The following FABP7 variants were observed in gnomAD, a reference collection of about 807,000 sequenced individuals.
The protein encoded by FABP7 is fatty acid-binding protein, brain.
A neutral mutation model predicts 14.2 loss-of-function variants in FABP7; 13 were observed. The observed-to-expected ratio is 0.91, with a 90% CI of 0.59 to 1.45. The LOEUF (loss-of-function observed/expected upper bound fraction) is 1.45, where lower values mean the gene tolerates loss of function less well. Among genes scored for constraint, FABP7 ranks in the 40% most tolerant of loss-of-function variants. The pLI is 0.00. For synonymous variants in FABP7, 49 were observed against 51.4 expected, an observed-to-expected ratio of 0.95 and a Z score of 0.20; for missense variants, 149 against 157.6, an observed-to-expected ratio of 0.95 and a Z score of 0.29.
At chr6:122,763,623 T>C in the FABP7 span, among the ~76,000 whole-genome samples, 1 of 151,884 alleles carries the variant, frequency 6.6e-6, no homozygotes, top group African/African-American at 2.4e-5. Flanking sequence ...TGGGAGAAAA[T>C]TTTTGCAATC....
chr6:122,749,985 G>T, the FABP7 span, among the ~76,000 whole-genome samples: 2 of 152,156 alleles, frequency 1.3e-5, no homozygotes, highest in Non-Finnish European at 2.9e-5. Flanking sequence ...GTTACTTCTA[G>T]ACATAACATG....
At chr6:122,782,017 G>C in intron 3 of FABP7, 1 of 961,914 alleles carries the variant, frequency 1.0e-6, no homozygotes, top group Non-Finnish European at 1.2e-6. Flanking sequence ...CTCCCAGAGT[G>C]CTGGGATTAC....
At chr6:122,783,467 A>C (rs1167249749) in intron 3 of FABP7, 1 of 985,356 alleles carries the variant, frequency 1.0e-6, no homozygotes, top group Non-Finnish European at 1.2e-6. Context: ...CTGATAATTT[A>C]AGGCTAAAGA....
chr6:122,781,115 A>G lies in FABP7; in HGVS notation c.269A>G (p.Asp90Gly), dbSNP rs778882649. 3.7e-6 allele frequency: 6 copies of G among 1,613,810 alleles called. No individual in the cohort carries two copies. Among genetic ancestry groups the G allele is most frequent in the Non-Finnish European group, 5.1e-6 (6 of 1,179,782 alleles). ...NCKSVVSLDGDKLVHIQKWDG... is the reference protein window; with the variant it reads ...NCKSVVSLDGGKLVHIQKWDG... ...CAGTCTGTTGTTAGCCTGGATGGAG[A>G]CAAACTTGTTCACATACAGAAATGG... Residue 90 changes from aspartate (D) to glycine (G), a missense_variant, in exon 3 of 4, where the codon GAC (aspartate) becomes GGC (glycine). Physicochemically the swap from Asp to Gly is moderately conservative, Grantham distance 94. Coordinates refer to ENST00000368444, the MANE Select transcript of FABP7 (RefSeq NM_001446.5).
chr6:122,783,208 G>A (rs759684045), intron 3 of FABP7: 43 of 985,250 alleles, frequency 4.4e-5, no homozygotes, highest in Admixed American at 6.2e-5. Context: ...GTTCACATAG[G>A]CTAAACCATG....
chr6:122,781,504 A>G, intron 3 of FABP7: 2 of 1,349,072 alleles, frequency 1.5e-6, no homozygotes, highest in Non-Finnish European at 1.9e-6. Context: ...ATAACTATGG[A>G]TGTCTCTCAA....
At chr6:122,782,910 G>A in intron 3 of FABP7, 1 of 985,350 alleles carries the variant, frequency 1.0e-6, no homozygotes, top group East Asian at 1.1e-4. Flanking sequence ...TCGCTCTGAA[G>A]TTCTCCTTTA....
chr6:122,761,734 T>C, the FABP7 span, among the ~76,000 whole-genome samples: 1 of 152,150 alleles, frequency 6.6e-6, no homozygotes, highest in Non-Finnish European at 1.5e-5. Flanking sequence ...CCCAAAGAAG[T>C]ATCAAATTTT....
chr6:122,756,050 C>CGGGGATAGA, the FABP7 span, among the ~76,000 whole-genome samples: 1 of 152,154 alleles, frequency 6.6e-6, no homozygotes, highest in Admixed American at 6.5e-5. Flanking sequence ...GCCCCTCCTC[C>CGGGGATAGA]GGGGATAGAG....
At chr6:122,758,105 C>CTTTTTTTT in the FABP7 span, among the ~76,000 whole-genome samples, 20 of 118,330 alleles carry the variant, frequency 1.7e-4, no homozygotes, top group Non-Finnish European at 2.9e-4. Flanking sequence ...TATTATCTAG[C>CTTTTTTTT]TTTTTTTTTT....
At chr6:122,782,811 G>C (rs1780826731) in intron 3 of FABP7, 3 of 961,920 alleles carry the variant, frequency 3.1e-6, no homozygotes, top group Non-Finnish European at 3.7e-6. Flanking sequence ...GTGGGGAGCA[G>C]AGGGACAGTT....
chr6:122,749,218 C>G, the FABP7 span, among the ~76,000 whole-genome samples: 1 of 151,992 alleles, frequency 6.6e-6, no homozygotes, highest in Non-Finnish European at 1.5e-5. Flanking sequence ...TCTTTGGAGG[C>G]AAAAATTGGG....
At chr6:122,764,155 T>C in the FABP7 span, among the ~76,000 whole-genome samples, 1 of 152,200 alleles carries the variant, frequency 6.6e-6, no homozygotes, top group African/African-American at 2.4e-5. Context: ...CCATCAATGA[T>C]AGACTGGATT....
the FABP7 span, among the ~76,000 whole-genome samples, chr6:122,749,973 A>G: frequency 6.6e-6 from 1 of 152,220 alleles, no homozygotes; most frequent in South Asian, 2.1e-4. Flanking sequence ...TAAGTTATTT[A>G]TGTTACTTCT....
At chr6:122,750,594 T>C in the FABP7 span, among the ~76,000 whole-genome samples, 34 of 152,308 alleles carry the variant, frequency 2.2e-4, no homozygotes, top group South Asian at 4.8e-3. Context: ...ATTTTTTCAT[T>C]AGGAAAGTGT....
the FABP7 span, among the ~76,000 whole-genome samples, chr6:122,768,709 C>T: frequency 6.6e-6 from 1 of 152,044 alleles, no homozygotes; most frequent in African/African-American, 2.4e-5. Context: ...ATGACACTAA[C>T]CAACGGGTAT....
chr6:122,763,791 T>G, the FABP7 span, among the ~76,000 whole-genome samples: 1 of 152,024 alleles, frequency 6.6e-6, no homozygotes, highest in Non-Finnish European at 1.5e-5. Context: ...AATGAAAAAA[T>G]GCTCATCATC....
At chr6:122,772,818 T>C in the FABP7 span, among the ~76,000 whole-genome samples, 3 of 152,156 alleles carry the variant, frequency 2.0e-5, no homozygotes, top group African/African-American at 7.2e-5. Flanking sequence ...CTTCACACCA[T>C]CAAATTCCAT....
At chr6:122,782,819 G>C (rs760571355) in intron 3 of FABP7, 3 of 962,684 alleles carry the variant, frequency 3.1e-6, no homozygotes, top group African/African-American at 2.0e-5. Context: ...CAGAGGGACA[G>C]TTTTCCTTTC....
Sources: allele counts gnomAD v4.1 joint callset (sites outside exome capture counted in the v4.1 genomes callset), GRCh38; gene constraint gnomAD v4.1.1; transcripts MANE v1.5; gene names NCBI Gene and HGNC (gene_info 2026-07-23, HGNC 2026-07-21).